HTRA3: variants seen among roughly 807,000 people sequenced by gnomAD.
The protein encoded by HTRA3 is HtrA serine peptidase 3.
A neutral mutation model predicts 43.2 loss-of-function variants in HTRA3; 41 were observed. That is an observed-to-expected ratio of 0.95 (90% CI 0.74 to 1.23). The LOEUF (loss-of-function observed/expected upper bound fraction) is 1.23, where lower values mean the gene tolerates loss of function less well. Ranked by LOEUF, HTRA3 falls within the 50% of genes most tolerant of loss-of-function variation. HTRA3 has a pLI of 0.00. For missense variants in HTRA3, 628 were observed against 647.1 expected (o/e 0.97, Z 0.32); for synonymous variants, 295 against 287.9 (o/e 1.02, Z -0.25).
At chr4:8,294,297 G>A (rs1338396130) in intron 6 of HTRA3, 96 bp downstream of exon 6, 1 of 867,874 alleles carries the variant, frequency 1.2e-6, no homozygotes, top group East Asian at 2.7e-5. Context: ...GCCCACCGGA[G>A]GTGCTGGGTG....
Position 8,291,744 on chromosome 4 carries a change from C to T in HTRA3, c.903+180C>T, listed in dbSNP as rs920733856. Among the ~76,000 whole-genome samples, 10 of 152,336 alleles carry T rather than the reference C, an allele frequency of 6.6e-5. No individual in the cohort carries two copies. In the East Asian group the frequency reaches 1.9e-3, roughly 29 times the overall value. On this transcript the variant is annotated intron_variant, in intron 4 of 8. Transcript: ENST00000307358. ...AGCTCTAACCCTGTGACTTCCACCC[C>T]AGGGTGCCAGGCACGCTGGGAGTCA...
At chr4:8,292,437 C>A (rs1713286188) in intron 5 of HTRA3, 84 bp downstream of exon 5, 1 of 1,123,836 alleles carries the variant, frequency 8.9e-7, no homozygotes, top group Non-Finnish European at 1.3e-6. Flanking sequence ...TGGGACAGGG[C>A]CCACAATATG....
intron 2 of HTRA3, among the ~76,000 whole-genome samples, chr4:8,285,429 C>T (rs923529919): frequency 1.3e-5 from 2 of 152,174 alleles, no homozygotes; most frequent in Admixed American, 6.5e-5. Context: ...CCTCCCTGCA[C>T]GTGCCAGACG....
chr4:8,292,095 G>T (rs891018033), intron 4 of HTRA3, among the ~76,000 whole-genome samples: 2 of 151,970 alleles, frequency 1.3e-5, no homozygotes, highest in Non-Finnish European at 2.9e-5. Flanking sequence ...ATGCCGAAGC[G>T]TATGGTTTGT....
At chr4:8,291,972 G>A (rs910988499) in intron 4 of HTRA3, among the ~76,000 whole-genome samples, 1 of 152,204 alleles carries the variant, frequency 6.6e-6, no homozygotes, top group African/African-American at 2.4e-5. Flanking sequence ...CGCAGCTCAG[G>A]CACTTGGCTG....
At chr4:8,271,445 A>G (rs1416342904) in intron 1 of HTRA3, among the ~76,000 whole-genome samples, 11 of 152,150 alleles carry the variant, frequency 7.2e-5, no homozygotes, top group Admixed American at 7.2e-4. Flanking sequence ...ACCTCCTCCC[A>G]GCACGCTGGG....
In HTRA3 at chr4:8,305,988, G is replaced by C. The variant is rs748015208; in HGVS notation, c.1214G>C (p.Gly405Ala). 69 of 1,611,824 alleles carry C rather than the reference G, an allele frequency of 4.3e-5. No homozygotes were observed. The highest frequency in any genetic ancestry group is 2.6e-5 in the Non-Finnish European group (31 of 1,179,548). Reference sequence around the variant, plus strand: ...GTTGGCAGAGGCGGCATCCAAGATGGTGACATCATCGTCAAGGTCAACGGG... The same window carrying C: ...GTTGGCAGAGGCGGCATCCAAGATGCTGACATCATCGTCAAGGTCAACGGG... ...SPSQRGGIQD[G>A]DIIVKVNGRP... Residue 405 changes from glycine to alanine, a missense_variant, in exon 9 of 9, where the codon GGT becomes GCT. By Grantham distance (60) the Gly-to-Ala change is moderately conservative. Transcript: ENST00000307358.
chr4:8,281,384 G>A (rs531520040), intron 1 of HTRA3, among the ~76,000 whole-genome samples: 167 of 152,330 alleles, frequency 1.1e-3, no homozygotes, highest in African/African-American at 3.9e-3. Context: ...CTGGGTGGGT[G>A]GGTAGCCCCC....
rs76713481 is a variant in HTRA3 at position 8,283,665 on chromosome 4, A to G, written c.485+1129A>G. On this transcript the variant is annotated intron_variant, in intron 2 of 8. Transcript: ENST00000307358. ...TGAGGAGGCCCCGGAACCAAGCCTC[A>G]TTCCACCCTGATAGGGATCAGACGG... Among the ~76,000 whole-genome samples, 818 of 152,332 alleles carry G rather than the reference A, an allele frequency of 5.4e-3. 20 individuals are homozygous for G. Among genetic ancestry groups the G allele is most frequent in the Admixed American group, 0.037 (567 of 15,304 alleles).
At chr4:8,303,827 TCC>T (rs35129704) in intron 7 of HTRA3, among the ~76,000 whole-genome samples, 43,638 of 151,644 alleles carry the variant, frequency 0.29, 6,889 homozygotes, top group East Asian at 0.61. Context: ...GCATTGTCTG[TCC>T]ATTCCATGAC....
intron 1 of HTRA3, among the ~76,000 whole-genome samples, chr4:8,274,012 CT>C (rs1156413590): frequency 6.6e-6 from 1 of 151,362 alleles, no homozygotes; most frequent in African/African-American, 2.5e-5. Flanking sequence ...CCTTCCATCA[CT>C]TCTCACACAG....
chr4:8,281,673 T>C (rs1712749836), intron 1 of HTRA3, among the ~76,000 whole-genome samples: 1 of 152,176 alleles, frequency 6.6e-6, no homozygotes. Context: ...CACAGGCCCG[T>C]GCAGGGAACC....
At chr4:8,270,463 G>C (rs1712224512) in intron 1 of HTRA3, 110 bp downstream of exon 1, 1 of 1,230,496 alleles carries the variant, frequency 8.1e-7, no homozygotes, top group Non-Finnish European at 1.1e-6. Context: ...CCACCGGGTG[G>C]CCCTTCAGAA....
chr4:8,281,185 G>A (rs145045292), intron 1 of HTRA3, among the ~76,000 whole-genome samples: 2 of 152,280 alleles, frequency 1.3e-5, no homozygotes, highest in Non-Finnish European at 2.9e-5. Context: ...CACGGACCGC[G>A]GCCCGGGCCC....
intron 2 of HTRA3, 108 bp downstream of exon 2, chr4:8,282,644 T>A: frequency 1.2e-6 from 1 of 840,346 alleles, no homozygotes; most frequent in Non-Finnish European, 1.9e-6. Flanking sequence ...CCACAGAAAC[T>A]GGAGTGGCCT....
In HTRA3 at chr4:8,304,170, C is replaced by A. The variant is rs371130871; in HGVS notation, c.1101-14C>A. ...AGGCTCAGGGGAGGGGCCTTGACGGCAGACTCTTTCCAGCCTGGTGGATGA... is the reference window on the plus strand; with the variant it reads ...AGGCTCAGGGGAGGGGCCTTGACGGAAGACTCTTTCCAGCCTGGTGGATGA... On this transcript the variant is annotated splice_polypyrimidine_tract_variant and intron_variant, in intron 7 of 8. Coordinates refer to ENST00000307358, the MANE Select transcript of HTRA3 (RefSeq NM_053044.5). 3.1e-5 allele frequency: 50 copies of A among 1,611,252 alleles called. No individual in the cohort carries two copies. Among genetic ancestry groups the A allele is most frequent in the Non-Finnish European group, 3.7e-5 (44 of 1,177,638 alleles).
At chr4:8,302,846 C>A (rs548510589) in intron 7 of HTRA3, among the ~76,000 whole-genome samples, 1 of 152,338 alleles carries the variant, frequency 6.6e-6, no homozygotes, top group South Asian at 2.1e-4. Flanking sequence ...GGGCTGCACT[C>A]TGCCTCTGAG....
At position 8,270,216 on chromosome 4, in the gene HTRA3, G is replaced by C. The variant is rs1215972586; in HGVS notation, c.248G>C (p.Cys83Ser). The change falls in exon 1 of 9, where the codon TGC becomes TCC. Residue 83 changes from cysteine (C) to serine (S), a missense_variant. Cys to Ser is a moderately radical substitution (Grantham distance 112). Transcript: ENST00000307358. ...SLECVRGLCR[C>S]RWSHAVCGTD... The stretch of plus-strand genomic sequence containing the variant: ...GAGTGCGTGCGCGGCCTATGCCGCT[G>C]CCGCTGGTCGCACGCCGTGTGTGGC... 1.3e-6 allele frequency: 2 copies of C among 1,537,158 alleles called. No individual in the cohort carries two copies. Among genetic ancestry groups the C allele is most frequent in the Non-Finnish European group, 8.7e-7 (1 of 1,153,312 alleles).
intron 2 of HTRA3, among the ~76,000 whole-genome samples, chr4:8,283,544 G>C (rs1402989358): frequency 6.6e-6 from 1 of 152,238 alleles, no homozygotes; most frequent in Non-Finnish European, 1.5e-5. Context: ...CGCAGAAGCA[G>C]ACTGAATGAC....
Sources: gnomAD v4.1 joint callset for allele counts (sites outside exome capture counted in the v4.1 genomes callset) on GRCh38, gnomAD v4.1.1 for gene constraint, MANE v1.5 for transcripts, NCBI Gene and HGNC (gene_info 2026-07-23, HGNC 2026-07-21) for gene names.